The following PIP4K2A variants were observed in gnomAD, a reference collection of about 807,000 sequenced individuals.
PIP4K2A encodes the protein phosphatidylinositol-5-phosphate 4-kinase type 2 alpha, also known as phosphatidylinositol 5-phosphate 4-kinase type-2 alpha.
Under a neutral mutation model 42.9 loss-of-function variants are expected in PIP4K2A, and 14 were observed. The observed-to-expected ratio is 0.33, with a 90% confidence interval of 0.22 to 0.51. PIP4K2A has a LOEUF of 0.51. Ranked by LOEUF, PIP4K2A falls within the 20% of genes least tolerant of loss-of-function variation. The pLI is 0.97. For synonymous variants in PIP4K2A, 192 were observed against 192.2 expected (o/e 1.00, Z 0.01); for missense variants, 434 against 519.8 (o/e 0.83, Z 1.61).
chr10:22,608,469 T>C (rs1265642416), intron 2 of PIP4K2A, among the ~76,000 whole-genome samples: 1 of 152,222 alleles, frequency 6.6e-6, no homozygotes, highest in Non-Finnish European at 1.5e-5. Flanking sequence ...AAATGCCACA[T>C]TCTAAATTTG....
chr10:22,563,530 G>A (rs1406359534), intron 6 of PIP4K2A, among the ~76,000 whole-genome samples: 2 of 152,132 alleles, frequency 1.3e-5, no homozygotes, highest in East Asian at 3.9e-4. Context: ...ATTTAACTCT[G>A]AAACAATGTT....
intron 4 of PIP4K2A, among the ~76,000 whole-genome samples, chr10:22,586,238 C>G (rs1837392182): frequency 6.6e-6 from 1 of 152,178 alleles, no homozygotes; most frequent in South Asian, 2.1e-4. Context: ...CTCCATTGGT[C>G]TGAGAGATGA....
At chr10:22,707,659 C>T (rs1295013480) in intron 1 of PIP4K2A, among the ~76,000 whole-genome samples, 2 of 152,192 alleles carry the variant, frequency 1.3e-5, no homozygotes, top group Non-Finnish European at 2.9e-5. Context: ...GTTAACGGTA[C>T]CGTTGTGAAT....
chr10:22,575,349 C>T (rs1336544369), intron 4 of PIP4K2A, among the ~76,000 whole-genome samples: 2 of 152,092 alleles, frequency 1.3e-5, no homozygotes, highest in Admixed American at 6.5e-5. Context: ...GGGGACACAC[C>T]GATTTTGGTT....
intron 1 of PIP4K2A, among the ~76,000 whole-genome samples, chr10:22,704,882 G>A (rs1378407941): frequency 1.3e-5 from 2 of 152,110 alleles, no homozygotes; most frequent in African/African-American, 4.8e-5. Flanking sequence ...CACTTGATAT[G>A]AGAAACTGAA....
intron 1 of PIP4K2A, among the ~76,000 whole-genome samples, chr10:22,658,437 A>G (rs1048704330): frequency 1.8e-4 from 28 of 152,236 alleles, no homozygotes; most frequent in African/African-American, 6.3e-4. Context: ...ATATAACTGT[A>G]AGAATCTGAG....
chr10:22,542,172 G>T, intron 7 of PIP4K2A, 125 bp from the exon 8 acceptor site: 2 of 744,680 alleles, frequency 2.7e-6, no homozygotes, highest in Non-Finnish European at 4.4e-6. Context: ...GGCGCCGGGT[G>T]CCTCCTTCAC....
intron 1 of PIP4K2A, among the ~76,000 whole-genome samples, chr10:22,675,749 G>A (rs1839545605): frequency 6.6e-6 from 1 of 152,172 alleles, no homozygotes; most frequent in Non-Finnish European, 1.5e-5. Context: ...CCATGAATGA[G>A]CCCTCACATC....
chr10:22,561,232 TAAAAA>T (rs1442291367), intron 6 of PIP4K2A, among the ~76,000 whole-genome samples: 1 of 152,038 alleles, frequency 6.6e-6, no homozygotes, highest in Non-Finnish European at 1.5e-5. Flanking sequence ...GTTCTGCTCT[TAAAAA>T]AAACCTCAAG....
intron 1 of PIP4K2A, among the ~76,000 whole-genome samples, chr10:22,611,311 A>G (rs1838031634): frequency 6.6e-6 from 1 of 152,108 alleles, no homozygotes; most frequent in Non-Finnish European, 1.5e-5. Context: ...GATCACTTGT[A>G]TCCAGGATTT....
intron 1 of PIP4K2A, among the ~76,000 whole-genome samples, chr10:22,640,835 G>A (rs1448515496): frequency 1.3e-5 from 2 of 152,192 alleles, no homozygotes; most frequent in Non-Finnish European, 2.9e-5. Flanking sequence ...AGATGAAAGG[G>A]AATGATGTTT....
In PIP4K2A at chr10:22,668,759, T is replaced by C. The variant is rs940440219; in HGVS notation, c.144+45424A>G. 4.4e-4 allele frequency among the ~76,000 whole-genome samples: 67 copies of C among 152,172 alleles called. 3 individuals carry two copies. Among genetic ancestry groups the C allele is most frequent in the Admixed American group, 2.6e-4 (4 of 15,282 alleles). ...CCAATACACAGTCTACTAGCAACAG[T>C]AGATATTAAACCAAACAAAACACGA... On this transcript the variant is annotated intron_variant, in intron 1 of 9. Transcript: ENST00000376573.
At chr10:22,689,017 T>C (rs1839811280) in intron 1 of PIP4K2A, among the ~76,000 whole-genome samples, 1 of 152,206 alleles carries the variant, frequency 6.6e-6, no homozygotes, top group Admixed American at 6.5e-5. Flanking sequence ...CATTTGTCTG[T>C]CACATTAAAA....
At chr10:22,712,913 G>GGTGTGTGTGTGTGTGT (rs35439666) in intron 1 of PIP4K2A, among the ~76,000 whole-genome samples, 2 of 147,502 alleles carry the variant, frequency 1.4e-5, no homozygotes, top group African/African-American at 5.0e-5. Context: ...CTACATTGAG[G>GGTGTGTGTGTGTGTGT]GTGTGTGTGT....
chr10:22,570,498 C>T (rs986737902), intron 5 of PIP4K2A, among the ~76,000 whole-genome samples: 1 of 152,142 alleles, frequency 6.6e-6, no homozygotes, highest in East Asian at 1.9e-4. Flanking sequence ...TCCAGGGGCA[C>T]AAAATGGCTT....
At chr10:22,621,623 A>G (rs1198227584) in intron 1 of PIP4K2A, among the ~76,000 whole-genome samples, 2 of 152,226 alleles carry the variant, frequency 1.3e-5, no homozygotes, top group Non-Finnish European at 2.9e-5. Context: ...TTGGTATGTA[A>G]TACAGGTGTC....
intron 1 of PIP4K2A, among the ~76,000 whole-genome samples, chr10:22,628,142 A>G (rs1165391604): frequency 6.7e-6 from 1 of 149,420 alleles, no homozygotes; most frequent in East Asian, 1.9e-4. Flanking sequence ...CCAATGATTA[A>G]GTTTCTGTTT....
chr10:22,698,693 A>G (rs1463907332), intron 1 of PIP4K2A, among the ~76,000 whole-genome samples: 2 of 152,228 alleles, frequency 1.3e-5, no homozygotes, highest in Admixed American at 6.5e-5. Context: ...ATTTAAAATA[A>G]TTGTTAAGAA....
chr10:22,550,981 G>A (rs1010474034), intron 6 of PIP4K2A, among the ~76,000 whole-genome samples: 2 of 152,288 alleles, frequency 1.3e-5, no homozygotes, highest in Admixed American at 1.3e-4. Flanking sequence ...GGAAGCATTC[G>A]CAAGAGCAGT....
Sources: allele counts gnomAD v4.1 joint callset (sites outside exome capture counted in the v4.1 genomes callset), GRCh38; gene constraint gnomAD v4.1.1; transcripts MANE v1.5; gene names NCBI Gene and HGNC (gene_info 2026-07-23, HGNC 2026-07-21).